ACAN: variants seen among roughly 807,000 people sequenced by gnomAD.
ACAN encodes the protein aggrecan core protein.
In ACAN, 47 loss-of-function variants were observed where a neutral mutation model predicts 169.1. The ratio of observed to expected loss-of-function variants is 0.28; its 90% confidence interval spans 0.22 to 0.35. The LOEUF is 0.35. Ranked by LOEUF, ACAN falls within the 10% of genes least tolerant of loss-of-function variation. ACAN has a pLI of 1.00. For missense variants in ACAN, 2,716 were observed against 2,759.9 expected (o/e 0.98, Z 0.36); for synonymous variants, 1,115 against 1,112.2 (o/e 1.00, Z -0.05).
intron 1 of ACAN, among the ~76,000 whole-genome samples, chr15:88,832,113 A>G (rs1896379339): frequency 6.6e-6 from 1 of 152,176 alleles, no homozygotes; most frequent in Non-Finnish European, 1.5e-5. Flanking sequence ...ACATGCAATC[A>G]GAGGCCAAAG....
At chr15:88,840,628 C>T (rs535384891) in intron 4 of ACAN, among the ~76,000 whole-genome samples, 79 of 152,136 alleles carry the variant, frequency 5.2e-4, no homozygotes, top group Middle Eastern at 3.4e-3. Context: ...ATAGACCCTG[C>T]CCTCAAGGGA....
chr15:88,817,869 A>G (rs1003959728), intron 1 of ACAN, among the ~76,000 whole-genome samples: 2 of 132,490 alleles, frequency 1.5e-5, no homozygotes, highest in Non-Finnish European at 3.3e-5. Context: ...AAAAAAAAAA[A>G]GAAAGAAAGG....
chr15:88,832,208 GA>G (rs1358367351), intron 1 of ACAN, among the ~76,000 whole-genome samples: 1 of 149,710 alleles, frequency 6.7e-6, no homozygotes, highest in Non-Finnish European at 1.5e-5. Flanking sequence ...GTGAAGGAAT[GA>G]AAAAAAAGAA....
In ACAN at chr15:88,824,375, C is replaced by A. The variant is rs115220013; in HGVS notation, c.-7-11825C>A. 4.9e-3 allele frequency among the ~76,000 whole-genome samples: 749 copies of A among 151,946 alleles called. 7 individuals carry two copies. The highest frequency in any genetic ancestry group is 0.017 in the African/African-American group (710 of 41,468). On this transcript the variant is annotated intron_variant, in intron 1 of 18. Transcript: ENST00000560601. ...ATTAACACTCCTTCTACTTCCAAAC[C>A]TAATACAAAGGGACATTGCCTAGTG...
Position 88,857,316 on chromosome 15 carries a change from G to A in ACAN, c.4731G>A (p.Glu1577=), listed in dbSNP as rs1567186316. The A allele has an allele frequency of 6.2e-7, 1 of 1,613,958 alleles. No individual in the cohort carries two copies. Among genetic ancestry groups the A allele is most frequent in the Non-Finnish European group, 8.5e-7 (1 of 1,179,894 alleles). ...TTCCTTCTGGAAGGGAGGGTCTAGAGACTTCAGCTTCTGGAGCTGAGGACC... is the reference window on the plus strand; with the variant it reads ...TTCCTTCTGGAAGGGAGGGTCTAGAAACTTCAGCTTCTGGAGCTGAGGACC... The part of the protein sequence containing the change: ...SGLPSGREGL[E]TSASGAEDLS... Residue 1577 remains glutamate, a synonymous_variant, in exon 12 of 19, where the codon GAG becomes GAA. Transcript: ENST00000560601.
rs191771259 is a variant in ACAN at position 88,833,648 on chromosome 15, A to G, written c.-7-2552A>G. Among the ~76,000 whole-genome samples the G allele has an allele frequency of 8.9e-4, 135 of 151,820 alleles. 2 individuals carry two copies. The highest frequency in any genetic ancestry group is 1.2e-3 in the Non-Finnish European group (80 of 67,932). ...AACACAAGAGCATATTTATTGCGATATTTCTATCCCAAAGTTTGTCTTTAA... is the reference window on the plus strand; with the variant it reads ...AACACAAGAGCATATTTATTGCGATGTTTCTATCCCAAAGTTTGTCTTTAA... On this transcript the variant is annotated intron_variant, in intron 1 of 18. Coordinates refer to ENST00000560601, the MANE Select transcript of ACAN (RefSeq NM_001369268.1).
rs76463283 is a variant in ACAN at position 88,807,100 on chromosome 15, C to A, written c.-8+3291C>A. ...TGTCTCAGAAATTTCAGCATTGTGG[C>A]CCTAGGTGGCAGGTGCTGGGGCATC... is the stretch of plus-strand genomic sequence containing the variant. On this transcript the variant is annotated intron_variant, in intron 1 of 18. Coordinates refer to ENST00000560601, the MANE Select transcript of ACAN (RefSeq NM_001369268.1). The surrounding 1 kb of genome is among the most constrained non-coding windows in gnomAD (Gnocchi z 4.0). Among the ~76,000 whole-genome samples, 2,404 of 151,992 alleles carry A rather than the reference C, an allele frequency of 0.016. 51 individuals are homozygous for A. The highest frequency in any genetic ancestry group is 0.053 in the African/African-American group (2,194 of 41,420).
At chr15:88,820,394 A>G (rs969244907) in intron 1 of ACAN, among the ~76,000 whole-genome samples, 1 of 152,150 alleles carries the variant, frequency 6.6e-6, no homozygotes, top group African/African-American at 2.4e-5. Flanking sequence ...TCTCCCTGAT[A>G]CATACCTGAG....
Position 88,865,476 on chromosome 15 carries a change from A to C in ACAN, c.6947-2740A>C, listed in dbSNP as rs180806776. ...TTTTTACATCTCAAACATGTTAAAG[A>C]ATTCACATGTTTTCTCACCTGTAAA... On this transcript the variant is annotated intron_variant, in intron 13 of 18. Transcript: ENST00000560601. Among the ~76,000 whole-genome samples the C allele has an allele frequency of 7.6e-3, 1,145 of 151,180 alleles. 12 individuals carry two copies. Among genetic ancestry groups the C allele is most frequent in the African/African-American group, 0.027 (1,105 of 40,468 alleles).
In ACAN at chr15:88,872,765, A is replaced by G; in HGVS notation, c.7303-116A>G. On this transcript the variant is annotated intron_variant, in intron 16 of 18. Coordinates refer to ENST00000560601, the MANE Select transcript of ACAN (RefSeq NM_001369268.1). The surrounding 1 kb of genome is among the most constrained non-coding windows in gnomAD (Gnocchi z 5.4). ...TTGTGCTGCTATCAGATGAGCCTGA[A>G]GTTGGTGCTAAAAGAGAAAGGAGAT... 7.7e-7 allele frequency: 1 copy of G among 1,292,648 alleles called. No homozygotes were observed. Among genetic ancestry groups the G allele is most frequent in the Non-Finnish European group, 1.1e-6 (1 of 941,824 alleles). 80.1% of individuals were successfully genotyped at this position (1,292,648 alleles called of 1,614,324 possible).
chr15:88,825,331 GAAGTTCCAAGT>G (rs1020695596), intron 1 of ACAN, among the ~76,000 whole-genome samples: 2 of 152,130 alleles, frequency 1.3e-5, no homozygotes, highest in African/African-American at 4.8e-5. Context: ...GGAATAAGAG[GAAGTTCCAAGT>G]AAGTTGCCAC....
At chr15:88,823,057 T>C (rs569573448) in intron 1 of ACAN, among the ~76,000 whole-genome samples, 4 of 152,172 alleles carry the variant, frequency 2.6e-5, no homozygotes, top group Non-Finnish European at 5.9e-5. Context: ...GCCAGACACA[T>C]TTACTGGAGG....
At chr15:88,825,976 A>C (rs1896207608) in intron 1 of ACAN, among the ~76,000 whole-genome samples, 1 of 152,106 alleles carries the variant, frequency 6.6e-6, no homozygotes, top group African/African-American at 2.4e-5. Context: ...CCGTGGGCTG[A>C]TTTCTGAAGC....
At chr15:88,853,905 T>G (rs1459425829) in intron 11 of ACAN, among the ~76,000 whole-genome samples, 1 of 151,562 alleles carries the variant, frequency 6.6e-6, no homozygotes. Flanking sequence ...CCCTCTAAGA[T>G]TCTCCTCTCA....
rs183635806 is a variant in ACAN, at chr15:88,849,350, G to T, written c.1733-88G>T. 137 of 1,322,742 alleles carry T rather than the reference G, an allele frequency of 1.0e-4. No individual in the cohort carries two copies. Among genetic ancestry groups the T allele is most frequent in the Non-Finnish European group, 1.3e-4 (128 of 990,872 alleles). 81.9% of individuals were successfully genotyped at this position (1,322,742 alleles called of 1,614,324 possible). On this transcript the variant is annotated intron_variant, in intron 9 of 18. Transcript: ENST00000560601. The surrounding 1 kb of genome is among the most constrained non-coding windows in gnomAD (Gnocchi z 5.1). ...GCTGGGTCTTAGCCCTGGTGAGGAG[G>T]GTTAGAGGAACTCTGTCCTGGGTGG...
intron 1 of ACAN, among the ~76,000 whole-genome samples, chr15:88,832,046 T>C (rs1896377640): frequency 6.6e-6 from 1 of 151,998 alleles, no homozygotes; most frequent in African/African-American, 2.4e-5. Flanking sequence ...AGTTCTTGAG[T>C]ACAATTGGAG....
intron 1 of ACAN, among the ~76,000 whole-genome samples, chr15:88,830,306 T>C (rs1351560830): frequency 6.6e-6 from 1 of 152,202 alleles, no homozygotes; most frequent in Non-Finnish European, 1.5e-5. Context: ...CCCGTTTCTT[T>C]ATTTACTATT....
intron 11 of ACAN, among the ~76,000 whole-genome samples, chr15:88,853,556 TG>T (rs1596142899): frequency 6.6e-6 from 1 of 152,074 alleles, no homozygotes; most frequent in East Asian, 1.9e-4. Flanking sequence ...GAGAATCACT[TG>T]AACCCAGGAC....
At chr15:88,828,474 C>T (rs1433451036) in intron 1 of ACAN, among the ~76,000 whole-genome samples, 1 of 152,054 alleles carries the variant, frequency 6.6e-6, no homozygotes, top group Non-Finnish European at 1.5e-5. Context: ...ATGTGTGCAC[C>T]ACCCTCCCAA....
Sources: gnomAD v4.1 joint callset for allele counts (sites outside exome capture counted in the v4.1 genomes callset) on GRCh38, gnomAD v4.1.1 for gene constraint, Gnocchi (gnomAD v3.1) non-coding constraint, MANE v1.5 for transcripts, NCBI Gene and HGNC (gene_info 2026-07-23, HGNC 2026-07-21) for gene names.